Variants in DDHD1 observed in about 807,000 individuals in gnomAD.
DDHD1 encodes the protein DDHD domain containing 1.
In DDHD1, 49 loss-of-function variants were observed where a neutral mutation model predicts 96.4. The observed-to-expected ratio is 0.51, with a 90% CI of 0.40 to 0.64. The LOEUF is 0.64. Ranked by LOEUF, DDHD1 falls within the 30% of genes least tolerant of loss-of-function variation. DDHD1 has a pLI of 0.00. For synonymous variants in DDHD1, 442 were observed against 446.5 expected, an observed-to-expected ratio of 0.99 and a Z score of 0.13; for missense variants, 1,106 against 1,161.2, an observed-to-expected ratio of 0.95 and a Z score of 0.69.
rs772988112 is a variant in DDHD1 at position 53,152,245 on chromosome 14, C to T, written c.838+16G>A. On this transcript the variant is annotated intron_variant, in intron 1 of 12. Coordinates refer to ENST00000673822, the MANE Select transcript of DDHD1 (RefSeq NM_001160148.2). ...AGGGGCAGCCCGTCCTGCCCTAACC[C>T]CGGCCCGCTACTCACGGTTCCAGTA... The T allele has an allele frequency of 5.7e-6, 9 of 1,584,820 alleles. No homozygotes were observed. In the East Asian group the frequency reaches 2.0e-4, roughly 36 times the overall value.
rs532915755 is a variant in DDHD1 at position 53,115,604 on chromosome 14, G to A, written c.839-11748C>T. Among the ~76,000 whole-genome samples, 620 of 152,168 alleles carry A rather than the reference G, an allele frequency of 4.1e-3. 2 individuals carry two copies. The highest frequency in any genetic ancestry group is 0.012 in the African/African-American group (492 of 41,518). On this transcript the variant is annotated intron_variant, in intron 1 of 12. Coordinates refer to ENST00000673822, the MANE Select transcript of DDHD1 (RefSeq NM_001160148.2). ...TCTTAAGGAAAAGAATTTGCAACCC[G>A]GAATTTCATATCCAGCCAAACTAAG...
rs1262120030 is a variant in DDHD1 at position 53,041,225 on chromosome 14, G to A, written c.*5543C>T. On this transcript the variant is annotated 3_prime_UTR_variant, in exon 13 of 13. Transcript: ENST00000673822. ...TATTCCCCAACATATCCTGACAACT[G>A]TTGGGTGGGGAGGAAGCAAGTTGTA... The A allele has an allele frequency of 6.6e-6, 1 of 152,122 alleles. No homozygotes were observed. The highest frequency in any genetic ancestry group is 2.4e-5 in the African/African-American group (1 of 41,436). 9.4% of individuals were successfully genotyped at this position (152,122 alleles called of 1,614,324 possible).
intron 1 of DDHD1, among the ~76,000 whole-genome samples, chr14:53,134,904 G>A (rs973220200): frequency 2.6e-5 from 4 of 152,010 alleles, no homozygotes; most frequent in South Asian, 2.1e-4. Context: ...TATAACAAAT[G>A]TTCCTTCTAA....
intron 6 of DDHD1, among the ~76,000 whole-genome samples, chr14:53,064,405 T>C (rs957315583): frequency 4.6e-5 from 7 of 152,086 alleles, no homozygotes; most frequent in Admixed American, 4.6e-4. Flanking sequence ...CTAATCTTTT[T>C]GTTTTTATAA....
chr14:53,104,987 C>T (rs2139729690), intron 1 of DDHD1, among the ~76,000 whole-genome samples: 1 of 151,898 alleles, frequency 6.6e-6, no homozygotes, highest in Admixed American at 6.5e-5. Context: ...GTTAGTAATA[C>T]TATTTGTATT....
intron 12 of DDHD1, 90 bp from the exon 13 acceptor site, chr14:53,047,039 C>A: frequency 9.4e-7 from 1 of 1,061,300 alleles, no homozygotes; most frequent in African/African-American, 1.6e-5. Flanking sequence ...AAAAATTTAG[C>A]TAAATAGAAG....
rs1026900100 is a variant in DDHD1 at position 53,047,072 on chromosome 14, A to G, written c.2522-123T>C. 1.7e-5 allele frequency: 12 copies of G among 686,942 alleles called. No homozygotes were observed. The Admixed American group carries it at 2.4e-4, about 14-fold the overall frequency. 42.6% of individuals were successfully genotyped at this position (686,942 alleles called of 1,614,324 possible). On this transcript the variant is annotated intron_variant, in intron 12 of 12. Transcript: ENST00000673822. ...AAGTGATTCTGTCACTTTTTTAAGA[A>G]GTGACTTTCCATTATCATCTTAAGA... is the stretch of plus-strand genomic sequence containing the variant.
chr14:53,123,107 T>C (rs1889129159), intron 1 of DDHD1, among the ~76,000 whole-genome samples: 1 of 141,462 alleles, frequency 7.1e-6, no homozygotes, highest in Admixed American at 7.3e-5. Flanking sequence ...ATGTACCAGA[T>C]AATTGCTGTT....
At chr14:53,105,740 TTTTTA>T (rs1357450144) in intron 1 of DDHD1, among the ~76,000 whole-genome samples, 5 of 152,212 alleles carry the variant, frequency 3.3e-5, no homozygotes, top group South Asian at 2.1e-4. Context: ...TTTGAACACC[TTTTTA>T]TTTTAATAGA....
intron 2 of DDHD1, among the ~76,000 whole-genome samples, chr14:53,100,393 G>A (rs1406171495): frequency 1.3e-5 from 2 of 152,088 alleles, no homozygotes; most frequent in Non-Finnish European, 2.9e-5. Flanking sequence ...CCTGGAGCCC[G>A]GGAGTTAGAA....
At chr14:53,080,090 T>C (rs552749805) in intron 4 of DDHD1, among the ~76,000 whole-genome samples, 3 of 152,226 alleles carry the variant, frequency 2.0e-5, no homozygotes, top group African/African-American at 7.2e-5. Context: ...TTTGGGTGCA[T>C]TGCTCACGCC....
At chr14:53,067,451 T>A (rs1162224170) in intron 6 of DDHD1, among the ~76,000 whole-genome samples, 1 of 148,220 alleles carries the variant, frequency 6.7e-6, no homozygotes, top group East Asian at 2.0e-4. Context: ...AGCCACCATG[T>A]CTAGCCTCTT....
rs961045928 is a variant in DDHD1, at chr14:53,141,976, T to C, written c.838+10285A>G. ...TAGGCTTCTATTTAAAGAGCAAATA[T>C]ACCAGCCTGGCTTAGCTAACACTTA... On this transcript the variant is annotated intron_variant, in intron 1 of 12. Coordinates refer to ENST00000673822, the MANE Select transcript of DDHD1 (RefSeq NM_001160148.2). Among the ~76,000 whole-genome samples the C allele has an allele frequency of 3.2e-4, 49 of 152,266 alleles. 1 individual carries two copies. Among genetic ancestry groups the C allele is most frequent in the Admixed American group, 1.9e-3 (29 of 15,296 alleles).
chr14:53,048,104 C>T (rs542167793), intron 12 of DDHD1, among the ~76,000 whole-genome samples: 51 of 152,230 alleles, frequency 3.4e-4, no homozygotes, highest in African/African-American at 1.2e-3. Context: ...CATATAAATG[C>T]TTAGTTAATG....
chr14:53,096,526 G>C (rs1886898634), intron 2 of DDHD1, among the ~76,000 whole-genome samples: 1 of 151,954 alleles, frequency 6.6e-6, no homozygotes, highest in African/African-American at 2.4e-5. Flanking sequence ...CAAATGCCAA[G>C]AGATTTATAA....
intron 1 of DDHD1, among the ~76,000 whole-genome samples, chr14:53,121,354 AT>A (rs533270788): frequency 1.8e-4 from 28 of 152,342 alleles, no homozygotes; most frequent in Admixed American, 1.3e-3. Context: ...TAGTTCAACC[AT>A]TGTGGAAGAC....
chr14:53,061,449 G>C, intron 7 of DDHD1: 1 of 354,522 alleles, frequency 2.8e-6, no homozygotes, highest in Non-Finnish European at 5.0e-6. Flanking sequence ...GTAGTAAAAT[G>C]TGAGTCATAT....
chr14:53,134,291 G>A (rs959932703), intron 1 of DDHD1, among the ~76,000 whole-genome samples: 3 of 151,962 alleles, frequency 2.0e-5, no homozygotes, highest in African/African-American at 4.8e-5. Flanking sequence ...CCATCATAGC[G>A]GATATCTCCT....
At chr14:53,068,758 A>G (rs191100417) in intron 6 of DDHD1, among the ~76,000 whole-genome samples, 37 of 152,246 alleles carry the variant, frequency 2.4e-4, no homozygotes, top group African/African-American at 8.7e-4. Flanking sequence ...GTGTATGATT[A>G]TTGTCGCTCT....
Sources: allele counts gnomAD v4.1 joint callset (sites outside exome capture counted in the v4.1 genomes callset), GRCh38; gene constraint gnomAD v4.1.1; transcripts MANE v1.5; gene names NCBI Gene and HGNC (gene_info 2026-07-23, HGNC 2026-07-21).